The following WDR41 variants were observed in gnomAD, a reference collection of about 807,000 sequenced individuals.
The protein encoded by WDR41 is WD repeat domain 41, also known as WD repeat-containing protein 41.
In WDR41, 63 loss-of-function variants were observed where a neutral mutation model predicts 69.3. The observed-to-expected ratio is 0.91, with a 90% confidence interval of 0.74 to 1.12. The LOEUF is 1.12. WDR41 is among the 50% of genes most tolerant of loss of function. The probability of loss-of-function intolerance (pLI) is 0.00; values close to 1 mark genes in which losing one functional copy is unlikely to be tolerated. For missense variants in WDR41, 543 were observed against 534.5 expected (o/e 1.02, Z -0.16); for synonymous variants, 185 against 192.1 (o/e 0.96, Z 0.31).
intron 5 of WDR41, among the ~76,000 whole-genome samples, chr5:77,456,524 T>G (rs962493972): frequency 6.6e-6 from 1 of 152,210 alleles, no homozygotes; most frequent in Non-Finnish European, 1.5e-5. Context: ...TATTTGGGAA[T>G]AGAGACAGTT....
In WDR41 at chr5:77,451,284, TACTC is replaced by T. The variant is rs773960592; in HGVS notation, c.586+3_586+6del. The T allele has an allele frequency of 1.3e-5, 21 of 1,613,290 alleles. No homozygotes were observed. In the Admixed American group the frequency reaches 1.5e-4, roughly 12 times the overall value. ...AAATACACAAAAAGAAAAAAATTCA[TACTC>T]ACTCAGTTCTTTGCCAACTGCTGCC... On this transcript the variant is annotated splice_donor_5th_base_variant and intron_variant, in intron 7 of 12. Coordinates refer to ENST00000296679, the MANE Select transcript of WDR41 (RefSeq NM_018268.4).
Position 77,433,143 on chromosome 5 carries a change from C to T in WDR41, c.1372G>A (p.Ala458Thr). ...ATTTTTAATTCCTTAAACTAGACAGCAAGGTATAAGTCACCATTCTCCTCT... is the reference window on the plus strand; with the variant it reads ...ATTTTTAATTCCTTAAACTAGACAGTAAGGTATAAGTCACCATTCTCCTCT... ...KLEENGDLYLAV is the reference protein window; with the variant it reads ...KLEENGDLYLTV The change falls in exon 13 of 13, where the codon GCT becomes ACT. Residue 458 changes from alanine (A) to threonine (T), a missense_variant. Transcript: ENST00000296679. The T allele has an allele frequency of 6.2e-7, 1 of 1,611,502 alleles. No homozygotes were observed. The highest frequency in any genetic ancestry group is 2.2e-5 in the East Asian group (1 of 44,826).
chr5:77,483,065 A>G (rs912346448), intron 2 of WDR41, among the ~76,000 whole-genome samples: 16 of 152,148 alleles, frequency 1.1e-4, no homozygotes, highest in African/African-American at 3.9e-4. Context: ...CACCCCAAGA[A>G]ACTCAAAGTC....
chr5:77,433,045 A>C lies in WDR41; in HGVS notation c.*90T>G. The C allele has an allele frequency of 2.2e-6, 3 of 1,373,448 alleles. No individual in the cohort carries two copies. The highest frequency in any genetic ancestry group is 1.9e-6 in the Non-Finnish European group (2 of 1,038,660). 85.1% of individuals were successfully genotyped at this position (1,373,448 alleles called of 1,614,324 possible). ...TATGGACTGACAAAAAAAATTACCA[A>C]TTTAAGTGATCAATATATTAATGGT... On this transcript the variant is annotated 3_prime_UTR_variant, in exon 13 of 13. Transcript: ENST00000296679.
At chr5:77,549,672 ATAT>A (rs1296163490) in intron 1 of WDR41, among the ~76,000 whole-genome samples, 8 of 152,232 alleles carry the variant, frequency 5.3e-5, no homozygotes, top group African/African-American at 1.9e-4. Context: ...GGAAGAATCA[ATAT>A]TATTAAAATG....
chr5:77,442,736 CA>C (rs1458938697), intron 8 of WDR41, among the ~76,000 whole-genome samples: 13 of 151,228 alleles, frequency 8.6e-5, no homozygotes, highest in Middle Eastern at 3.2e-3. Flanking sequence ...ACTAAAAATA[CA>C]AAAAATTAGG....
intron 1 of WDR41, among the ~76,000 whole-genome samples, chr5:77,584,923 C>A (rs1300855733): frequency 6.6e-6 from 1 of 152,116 alleles, no homozygotes; most frequent in African/African-American, 2.4e-5. Context: ...GCAAGGATTT[C>A]ATGACCAAGA....
At chr5:77,619,943 G>A (rs1026100145) in intron 1 of WDR41, among the ~76,000 whole-genome samples, 3 of 152,026 alleles carry the variant, frequency 2.0e-5, no homozygotes, top group Non-Finnish European at 4.4e-5. Context: ...TGTTTAAAGA[G>A]GGGACACTAA....
intron 1 of WDR41, among the ~76,000 whole-genome samples, chr5:77,517,394 CAAAAACAA>C: frequency 6.6e-6 from 1 of 151,720 alleles, no homozygotes; most frequent in African/African-American, 2.4e-5. Flanking sequence ...AAAACAAAAA[CAAAAACAA>C]AAAAAACAGA....
intron 1 of WDR41, among the ~76,000 whole-genome samples, chr5:77,595,609 T>C (rs115819415): frequency 0.013 from 2,034 of 152,332 alleles, 17 homozygotes; most frequent in South Asian, 0.036. Context: ...TATACTTCAT[T>C]GCAAGATAGG....
chr5:77,469,937 G>C (rs941941501), intron 2 of WDR41, among the ~76,000 whole-genome samples: 2 of 151,686 alleles, frequency 1.3e-5, no homozygotes, highest in African/African-American at 4.9e-5. Context: ...ACGCCACAAA[G>C]ATACTCCTCG....
chr5:77,498,851 GA>G (rs1364087358), intron 1 of WDR41, among the ~76,000 whole-genome samples: 2 of 148,064 alleles, frequency 1.4e-5, no homozygotes, highest in Non-Finnish European at 3.0e-5. Context: ...AAGAAAAAAA[GA>G]AAAAACCATT....
At chr5:77,471,535 CTA>C (rs371427648) in intron 2 of WDR41, among the ~76,000 whole-genome samples, 2 of 152,076 alleles carry the variant, frequency 1.3e-5, no homozygotes, top group South Asian at 4.2e-4. Context: ...GCTAGTAAGA[CTA>C]ATAAAGAAGA....
chr5:77,599,980 G>A (rs1744294200), intron 1 of WDR41, among the ~76,000 whole-genome samples: 1 of 152,164 alleles, frequency 6.6e-6, no homozygotes, highest in South Asian at 2.1e-4. Context: ...TGTGGTTATG[G>A]TCACATATTA....
chr5:77,442,027 G>A (rs1224458988), intron 8 of WDR41, among the ~76,000 whole-genome samples: 2 of 152,054 alleles, frequency 1.3e-5, no homozygotes, highest in Non-Finnish European at 2.9e-5. Context: ...TATAAAACAG[G>A]AAAATACCCA....
At chr5:77,467,698 C>T (rs1800365209) in intron 2 of WDR41, among the ~76,000 whole-genome samples, 1 of 151,902 alleles carries the variant, frequency 6.6e-6, no homozygotes, top group African/African-American at 2.4e-5. Context: ...TAAAGAAATG[C>T]TTGTTGAATG....
intron 2 of WDR41, among the ~76,000 whole-genome samples, chr5:77,479,768 G>C (rs1013044742): frequency 5.3e-5 from 8 of 152,086 alleles, no homozygotes; most frequent in African/African-American, 1.9e-4. Flanking sequence ...CATGGGCAAG[G>C]ACTTCATGTC....
chr5:77,526,075 C>CA (rs1802441925), intron 1 of WDR41, among the ~76,000 whole-genome samples: 1 of 152,042 alleles, frequency 6.6e-6, no homozygotes, highest in Non-Finnish European at 1.5e-5. Flanking sequence ...TTATTCCTTA[C>CA]AAAAAATTAT....
At chr5:77,603,181 C>T (rs1356440699) in intron 1 of WDR41, among the ~76,000 whole-genome samples, 6 of 152,190 alleles carry the variant, frequency 3.9e-5, no homozygotes, top group Non-Finnish European at 8.8e-5. Flanking sequence ...CGTGATCCCC[C>T]TGCCTTGGCC....
Sources: gnomAD v4.1 joint callset for allele counts (sites outside exome capture counted in the v4.1 genomes callset) on GRCh38, gnomAD v4.1.1 for gene constraint, MANE v1.5 for transcripts, NCBI Gene and HGNC (gene_info 2026-07-23, HGNC 2026-07-21) for gene names.